The following BRINP3 variants were observed in gnomAD, a reference collection of about 807,000 sequenced individuals.
The protein encoded by BRINP3 is BMP/retinoic acid-inducible neural-specific protein 3.
A neutral mutation model predicts 71.0 loss-of-function variants in BRINP3; 19 were observed. The observed-to-expected ratio is 0.27, with a 90% CI of 0.19 to 0.39. The LOEUF (loss-of-function observed/expected upper bound fraction) is 0.39, where lower values mean the gene tolerates loss of function less well. BRINP3 is among the 10% of genes least tolerant of loss of function. The pLI is 1.00. For missense variants in BRINP3, 959 were observed against 940.8 expected, an observed-to-expected ratio of 1.02 and a Z score of -0.25; for synonymous variants, 380 against 337.7, an observed-to-expected ratio of 1.13 and a Z score of -1.37.
intron 7 of BRINP3, among the ~76,000 whole-genome samples, chr1:190,122,892 T>A (rs1653792075): frequency 6.6e-6 from 1 of 152,164 alleles, no homozygotes; most frequent in South Asian, 2.1e-4. Context: ...TGCCGGCTAC[T>A]GAGATTATAA....
intron 2 of BRINP3, among the ~76,000 whole-genome samples, chr1:190,324,724 T>C (rs1666469252): frequency 1.3e-5 from 2 of 151,924 alleles, no homozygotes; most frequent in Non-Finnish European, 2.9e-5. Flanking sequence ...TCCATGTTTA[T>C]ATAATGAGAT....
Position 190,191,797 on chromosome 1 carries a change from G to A in BRINP3, c.962-30907C>T, listed in dbSNP as rs547165383. On this transcript the variant is annotated intron_variant, in intron 6 of 7. Coordinates refer to ENST00000367462, the MANE Select transcript of BRINP3 (RefSeq NM_199051.3). ...GAACCAGTGTCCTAAGGCATAATTT[G>A]CATTGAAATCTTACATATTCTTATA... 1.6e-4 allele frequency among the ~76,000 whole-genome samples: 25 copies of A among 152,122 alleles called. No individual in the cohort carries two copies. In the South Asian group the frequency reaches 5.2e-3, roughly 32 times the overall value.
chr1:190,097,823 T>A lies in BRINP3; in HGVS notation c.*195A>T. The stretch of plus-strand genomic sequence containing the variant: ...TAGACTGGTGTCAGTATTTATGTCA[T>A]TCATAAACCAAAACTGCTGTATAAT... On this transcript the variant is annotated 3_prime_UTR_variant, in exon 8 of 8. Coordinates refer to ENST00000367462, the MANE Select transcript of BRINP3 (RefSeq NM_199051.3). 1 of 575,320 alleles carries A rather than the reference T, an allele frequency of 1.7e-6. No homozygotes were observed. The allele number at this position is 575,320 out of a possible 1,614,324, so 35.6% of individuals were successfully genotyped here.
intron 7 of BRINP3, among the ~76,000 whole-genome samples, chr1:190,132,796 C>A (rs1654649860): frequency 6.6e-6 from 1 of 152,092 alleles, no homozygotes; most frequent in African/African-American, 2.4e-5. Flanking sequence ...CAGATAGCAA[C>A]TGATGAAAAT....
intron 7 of BRINP3, among the ~76,000 whole-genome samples, chr1:190,141,381 G>C (rs959425019): frequency 2.0e-5 from 3 of 151,832 alleles, no homozygotes; most frequent in Non-Finnish European, 4.4e-5. Flanking sequence ...CCATATTCTT[G>C]ATTGAGATGT....
chr1:190,335,375 T>C (rs944915245), intron 2 of BRINP3, among the ~76,000 whole-genome samples: 8 of 151,914 alleles, frequency 5.3e-5, no homozygotes, highest in African/African-American at 1.9e-4. Context: ...AGAGGACTTC[T>C]AATTCTTGAA....
chr1:190,162,997 T>G (rs1320741242), intron 6 of BRINP3, among the ~76,000 whole-genome samples: 1 of 152,122 alleles, frequency 6.6e-6, no homozygotes, highest in African/African-American at 2.4e-5. Context: ...AAATGACTAA[T>G]GATGTGCAAT....
At chr1:190,215,972 A>G (rs550313721) in intron 6 of BRINP3, among the ~76,000 whole-genome samples, 102 of 149,584 alleles carry the variant, frequency 6.8e-4, no homozygotes, top group South Asian at 9.1e-4. Flanking sequence ...TTGCATGAAG[A>G]TTGCTGTATT....
At chr1:190,428,867 T>A (rs1022087783) in intron 2 of BRINP3, among the ~76,000 whole-genome samples, 1 of 152,064 alleles carries the variant, frequency 6.6e-6, no homozygotes. Context: ...TCCAAGTAAA[T>A]TTTTTGAAAT....
intron 1 of BRINP3, among the ~76,000 whole-genome samples, chr1:190,464,608 A>C (rs955044691): frequency 1.3e-5 from 2 of 151,960 alleles, no homozygotes; most frequent in South Asian, 4.1e-4. Context: ...ATAAAGAATA[A>C]ATATTTTTGG....
At chr1:190,233,117 A>G (rs1303748561) in intron 5 of BRINP3, among the ~76,000 whole-genome samples, 2 of 152,020 alleles carry the variant, frequency 1.3e-5, no homozygotes, top group Non-Finnish European at 2.9e-5. Flanking sequence ...TTAATTAATT[A>G]ATTTTTTTTT....
At chr1:190,305,391 C>A (rs1665023466) in intron 2 of BRINP3, among the ~76,000 whole-genome samples, 1 of 151,646 alleles carries the variant, frequency 6.6e-6, no homozygotes, top group Admixed American at 6.6e-5. Context: ...GACAGTATGG[C>A]ATTTATACAC....
intron 3 of BRINP3, among the ~76,000 whole-genome samples, chr1:190,273,261 A>T (rs1180810092): frequency 1.3e-5 from 2 of 151,546 alleles, no homozygotes; most frequent in Admixed American, 6.6e-5. Flanking sequence ...TCAATCAACT[A>T]AATGATTGCG....
chr1:190,386,298 C>CATTA (rs1558240094), intron 2 of BRINP3, among the ~76,000 whole-genome samples: 1 of 151,062 alleles, frequency 6.6e-6, no homozygotes, highest in Admixed American at 6.6e-5. Context: ...AATGACTCAT[C>CATTA]CTTTAAGTCA....
chr1:190,222,794 G>GA (rs1371239361), intron 6 of BRINP3, among the ~76,000 whole-genome samples: 10 of 150,414 alleles, frequency 6.6e-5, no homozygotes, highest in Non-Finnish European at 4.5e-5. Flanking sequence ...CTTTGTCTAA[G>GA]AAAAAAAAGA....
intron 3 of BRINP3, among the ~76,000 whole-genome samples, chr1:190,273,627 T>G (rs566504813): frequency 1.1e-4 from 17 of 151,690 alleles, no homozygotes; most frequent in Admixed American, 7.3e-4. Flanking sequence ...TCATAGAATT[T>G]GACATTTTTT....
chr1:190,198,951 TA>T (rs1406936143), intron 6 of BRINP3, among the ~76,000 whole-genome samples: 2 of 152,138 alleles, frequency 1.3e-5, no homozygotes, highest in African/African-American at 4.8e-5. Flanking sequence ...ACCACACTGC[TA>T]ATAAAGACAT....
chr1:190,390,701 CAA>C (rs1671197015), intron 2 of BRINP3, among the ~76,000 whole-genome samples: 1 of 151,712 alleles, frequency 6.6e-6, no homozygotes, highest in African/African-American at 2.4e-5. Context: ...AAAGAGAAAA[CAA>C]TCACAATGGT....
intron 7 of BRINP3, among the ~76,000 whole-genome samples, chr1:190,100,679 T>G (rs1445370835): frequency 1.3e-5 from 2 of 152,180 alleles, no homozygotes; most frequent in African/African-American, 2.4e-5. Context: ...CGCAAAAGCC[T>G]TTCTTGTCCA....
Sources: allele counts gnomAD v4.1 joint callset (sites outside exome capture counted in the v4.1 genomes callset), GRCh38; gene constraint gnomAD v4.1.1; transcripts MANE v1.5; gene names NCBI Gene and HGNC (gene_info 2026-07-23, HGNC 2026-07-21).